The following ABCC8 variants were observed in gnomAD, a reference collection of about 807,000 sequenced individuals.
ABCC8 encodes ATP binding cassette subfamily C member 8.
Under a neutral mutation model 188.0 loss-of-function variants are expected in ABCC8, and 137 were observed. The ratio of observed to expected loss-of-function variants is 0.73; its 90% CI spans 0.63 to 0.84. The LOEUF is 0.84. Among genes scored for constraint, ABCC8 ranks in the 40% least tolerant of loss-of-function variants. ABCC8 has a pLI of 0.00. For synonymous variants in ABCC8, 797 were observed against 846.5 expected, an observed-to-expected ratio of 0.94 and a Z score of 1.01; for missense variants, 1,750 against 2,072.7, an observed-to-expected ratio of 0.84 and a Z score of 3.02.
chr11:17,460,347 G>A, intron 6 of ABCC8, 141 bp downstream of exon 6: 1 of 1,309,966 alleles, frequency 7.6e-7, no homozygotes. Context: ...ATTCTGTGGT[G>A]GGGATACTGC....
At chr11:17,415,152 C>A (rs1329138401) in intron 18 of ABCC8, 152 bp downstream of exon 18, 1 of 1,031,934 alleles carries the variant, frequency 9.7e-7, no homozygotes, top group East Asian at 2.6e-5. Context: ...AGCTCCCGAG[C>A]CACCTGGTGG....
rs1318584208 is a variant in ABCC8, at chr11:17,395,578, G to T, written c.4307+32C>A. 3.2e-6 allele frequency: 5 copies of T among 1,544,072 alleles called. No individual in the cohort carries two copies. The South Asian group carries it at 3.6e-5, about 11-fold the overall frequency. Reference sequence around the variant, plus strand: ...TCTGATGGAACTGAGCCGGCCTGGGGCTGGGTGGGCCTGAGGGGTGGTGGG... The same window carrying T: ...TCTGATGGAACTGAGCCGGCCTGGGTCTGGGTGGGCCTGAGGGGTGGTGGG... On this transcript the variant is annotated intron_variant, in intron 35 of 38. Coordinates refer to ENST00000389817, the MANE Select transcript of ABCC8 (RefSeq NM_000352.6).
chr11:17,433,473 C>T (rs1213343756), intron 10 of ABCC8, among the ~76,000 whole-genome samples: 1 of 152,240 alleles, frequency 6.6e-6, no homozygotes, highest in Admixed American at 6.5e-5. Context: ...TCCAAGAATC[C>T]TGCAGCAGTC....
chr11:17,444,767 T>C (rs1388932935), intron 8 of ABCC8, among the ~76,000 whole-genome samples: 1 of 152,220 alleles, frequency 6.6e-6, no homozygotes, highest in Non-Finnish European at 1.5e-5. Context: ...TCTGTGGCCC[T>C]GAGTTTCAAA....
At chr11:17,448,698 A>G (rs781232977) in intron 7 of ABCC8, 27 bp from the exon 8 acceptor site, 4 of 1,613,810 alleles carry the variant, frequency 2.5e-6, no homozygotes, top group Non-Finnish European at 3.4e-6. Flanking sequence ...AGTGTTTCAC[A>G]TTCATCATCA....
At chr11:17,406,409 C>A in intron 26 of ABCC8, 2 of 601,562 alleles carry the variant, frequency 3.3e-6, no homozygotes, top group South Asian at 4.0e-5. Flanking sequence ...AATGAGCTAA[C>A]CACACACAAT....
intron 6 of ABCC8, among the ~76,000 whole-genome samples, chr11:17,457,117 A>G (rs1209328164): frequency 1.3e-5 from 2 of 152,224 alleles, no homozygotes; most frequent in Non-Finnish European, 2.9e-5. Flanking sequence ...CAGGTACTCT[A>G]GGCCAGACCA....
chr11:17,396,048 GT>G, intron 33 of ABCC8, 118 bp from the exon 34 acceptor site: 1 of 1,526,216 alleles, frequency 6.6e-7, no homozygotes, highest in Non-Finnish European at 8.8e-7. Flanking sequence ...TTTTGGCCTG[GT>G]TTTCTGACTA....
rs190729236 is a variant in ABCC8, at chr11:17,471,703, G to A, written c.291-1481C>T. ...TCTCTGCTCATGCTAAGCAATACCC[G>A]GAGCTAGGCAGCCACCTTGTGACCA... is the stretch of plus-strand genomic sequence containing the variant. On this transcript the variant is annotated intron_variant, in intron 2 of 38. Coordinates refer to ENST00000389817, the MANE Select transcript of ABCC8 (RefSeq NM_000352.6). 7.0e-4 allele frequency among the ~76,000 whole-genome samples: 106 copies of A among 152,304 alleles called. 2 individuals carry two copies. The highest frequency in any genetic ancestry group is 3.7e-3 in the South Asian group (18 of 4,828).
rs1955647141 is a variant in ABCC8 at position 17,427,735 on chromosome 11, TA to T, written c.2116+131del. 7.9e-7 allele frequency: 1 copy of T among 1,272,724 alleles called. No individual in the cohort carries two copies. The highest frequency in any genetic ancestry group is 1.1e-6 in the Non-Finnish European group (1 of 921,320). 78.8% of individuals were successfully genotyped at this position (1,272,724 alleles called of 1,614,324 possible). On this transcript the variant is annotated intron_variant, in intron 15 of 38. Transcript: ENST00000389817. The surrounding 1 kb of genome is among the most constrained non-coding windows in gnomAD (Gnocchi z 5.0). ...TCTAGAATGTAGCCTTCCCCTTCTA[TA>T]ATATACCCAGGGCATACACCAAGAA...
rs771640561 is a variant in ABCC8, at chr11:17,394,254, C to T, written c.4545+12G>A. 2 of 1,613,506 alleles carry T rather than the reference C, an allele frequency of 1.2e-6. No homozygotes were observed. The highest frequency in any genetic ancestry group is 2.2e-5 in the East Asian group (1 of 44,876). On this transcript the variant is annotated intron_variant, in intron 37 of 38. Transcript: ENST00000389817. ...CCAAGACCATGGTCCCATGGAGGGG[C>T]CCAGGACCAACCGTGGCCATGTCAA...
intron 3 of ABCC8, among the ~76,000 whole-genome samples, chr11:17,468,718 G>A (rs559967848): frequency 3.1e-4 from 47 of 152,318 alleles, no homozygotes; most frequent in African/African-American, 1.1e-3. Context: ...AGTATTTACT[G>A]TTATTATTTT....
At position 17,446,849 on chromosome 11, in the gene ABCC8, T is replaced by A. The variant is rs190268045; in HGVS notation, c.1332+1667A>T. Among the ~76,000 whole-genome samples, 7 of 152,264 alleles carry A rather than the reference T, an allele frequency of 4.6e-5. No homozygotes were observed. The East Asian group carries it at 9.6e-4, about 21-fold the overall frequency. On this transcript the variant is annotated intron_variant, in intron 8 of 38. Coordinates refer to ENST00000389817, the MANE Select transcript of ABCC8 (RefSeq NM_000352.6). ...ATTTTTAAACTCTAAGCTTTACAAG[T>A]AAGGAGGACCAATACAAATCACTGG... is the stretch of plus-strand genomic sequence containing the variant.
chr11:17,414,793 G>T, intron 18 of ABCC8, 183 bp from the exon 19 acceptor site: 1 of 708,586 alleles, frequency 1.4e-6, no homozygotes, highest in Non-Finnish European at 1.7e-6. Flanking sequence ...GAGAGGTCTG[G>T]GTCTCAACTG....
chr11:17,455,040 C>A (rs1956943869), intron 6 of ABCC8, among the ~76,000 whole-genome samples: 2 of 152,168 alleles, frequency 1.3e-5, no homozygotes, highest in African/African-American at 4.8e-5. Flanking sequence ...CTGGAGTCCA[C>A]TATTTTAAAG....
At chr11:17,472,446 T>G (rs1848533899) in intron 2 of ABCC8, among the ~76,000 whole-genome samples, 1 of 152,174 alleles carries the variant, frequency 6.6e-6, no homozygotes, top group Non-Finnish European at 1.5e-5. Context: ...GCTTAATTAG[T>G]CACTAAATGA....
At chr11:17,432,875 C>T (rs1955910664) in intron 10 of ABCC8, among the ~76,000 whole-genome samples, 1 of 152,146 alleles carries the variant, frequency 6.6e-6, no homozygotes, top group African/African-American at 2.4e-5. Flanking sequence ...GACAGTGGGA[C>T]TTGGTGTGAC....
chr11:17,418,751 C>T (rs1955196849), intron 16 of ABCC8, among the ~76,000 whole-genome samples: 2 of 152,224 alleles, frequency 1.3e-5, no homozygotes, highest in Admixed American at 1.3e-4. Context: ...GCCTTCCTCT[C>T]TGATCAGCTC....
intron 29 of ABCC8, among the ~76,000 whole-genome samples, chr11:17,401,737 G>T (rs1251685753): frequency 6.6e-6 from 1 of 152,194 alleles, no homozygotes; most frequent in Admixed American, 6.5e-5. Context: ...TGCCTCTGGA[G>T]ATCAGACAGA....
Sources: allele counts gnomAD v4.1 joint callset (sites outside exome capture counted in the v4.1 genomes callset), GRCh38; gene constraint gnomAD v4.1.1; non-coding constraint Gnocchi (gnomAD v3.1); transcripts MANE v1.5; gene names NCBI Gene and HGNC (gene_info 2026-07-23, HGNC 2026-07-21).